CLMN: variants seen among roughly 807,000 people sequenced by gnomAD.
CLMN encodes the protein calmin (calponin-like, transmembrane).
In CLMN, 57 loss-of-function variants were observed where a neutral mutation model predicts 92.7. The observed-to-expected ratio is 0.61, with a 90% CI of 0.50 to 0.77. The LOEUF is 0.77. Ranked by LOEUF, CLMN falls within the 30% of genes least tolerant of loss-of-function variation. The pLI is 0.00. For synonymous variants in CLMN, 466 were observed against 470.6 expected (o/e 0.99, Z 0.13); for missense variants, 1,158 against 1,237.5 (o/e 0.94, Z 0.96).
At chr14:95,276,170 T>C (rs1486610309) in intron 1 of CLMN, among the ~76,000 whole-genome samples, 6 of 152,198 alleles carry the variant, frequency 3.9e-5, no homozygotes, top group Non-Finnish European at 7.3e-5. Context: ...TAGCCAACTT[T>C]GGGTAAGTGT....
rs769282471 is a variant in CLMN at position 95,213,363 on chromosome 14, C to T, written c.464G>A (p.Ser155Asn). 1.6e-5 allele frequency: 26 copies of T among 1,612,720 alleles called. No individual in the cohort carries two copies. The Admixed American group carries it at 4.4e-4, about 27-fold the overall frequency. ...TGTGCCCCCTGAGCCAGGGGACAAGCTGGAAGATGGAGAGTTTCTGCTGAG... is the reference window on the plus strand; with the variant it reads ...TGTGCCCCCTGAGCCAGGGGACAAGTTGGAAGATGGAGAGTTTCTGCTGAG... ...GNLSRNSPSSSLSPGSGGTDS... is the reference protein window; with the variant it reads ...GNLSRNSPSSNLSPGSGGTDS... Residue 155 changes from serine to asparagine, a missense_variant, in exon 6 of 13, where the codon AGC becomes AAC. Transcript: ENST00000298912.
At chr14:95,217,634 C>T (rs1253579189) in intron 4 of CLMN, among the ~76,000 whole-genome samples, 3 of 152,254 alleles carry the variant, frequency 2.0e-5, no homozygotes, top group Non-Finnish European at 4.4e-5. Flanking sequence ...TAAGCCTCTG[C>T]TCTGACAGCT....
At chr14:95,233,661 A>C (rs1566883594) in intron 1 of CLMN, among the ~76,000 whole-genome samples, 1 of 152,266 alleles carries the variant, frequency 6.6e-6, no homozygotes, top group African/African-American at 2.4e-5. Flanking sequence ...GAAATGGATT[A>C]GAATGCTGAA....
intron 1 of CLMN, among the ~76,000 whole-genome samples, chr14:95,285,705 A>C (rs1900315121): frequency 6.6e-6 from 1 of 152,216 alleles, no homozygotes; most frequent in South Asian, 2.1e-4. Context: ...TACAGGTGAG[A>C]TCACTGGGAT....
rs1478174082 is a variant in CLMN at position 95,189,686 on chromosome 14, T to C, written c.*1878A>G. The C allele has an allele frequency of 6.6e-6, 1 of 152,268 alleles. No homozygotes were observed. The highest frequency in any genetic ancestry group is 1.5e-5 in the Non-Finnish European group (1 of 68,056). 9.4% of individuals were successfully genotyped at this position (152,268 alleles called of 1,614,324 possible). A position where few individuals can be genotyped will look rare whatever the true frequency, so the allele number is the denominator to read the frequency against. The stretch of plus-strand genomic sequence containing the variant: ...TCTAATTTAGGCAAGGACTGCATGG[T>C]GCCCAGAGTTATAAACTATCACATA... On this transcript the variant is annotated 3_prime_UTR_variant, in exon 13 of 13. Transcript: ENST00000298912.
At chr14:95,254,119 A>G (rs1396317966) in intron 1 of CLMN, among the ~76,000 whole-genome samples, 1 of 152,082 alleles carries the variant, frequency 6.6e-6, no homozygotes, top group Non-Finnish European at 1.5e-5. Flanking sequence ...TCAGGTCTGG[A>G]CCTTTGTCCC....
At chr14:95,282,080 A>G (rs1473369837) in intron 1 of CLMN, among the ~76,000 whole-genome samples, 1 of 152,220 alleles carries the variant, frequency 6.6e-6, no homozygotes, top group Non-Finnish European at 1.5e-5. Flanking sequence ...AAGTGAGAAC[A>G]TGTCAATTGG....
intron 8 of CLMN, among the ~76,000 whole-genome samples, chr14:95,206,991 T>C (rs1159083920): frequency 2.6e-5 from 4 of 152,078 alleles, no homozygotes; most frequent in African/African-American, 9.7e-5. Context: ...AAATTTGTTA[T>C]GTTACACTTC....
rs1294497298 is a variant in CLMN at position 95,187,146 on chromosome 14, G to A, written c.*4418C>T. The A allele has an allele frequency of 1.3e-5, 2 of 152,334 alleles. No individual in the cohort carries two copies. The highest frequency in any genetic ancestry group is 2.9e-5 in the Non-Finnish European group (2 of 68,160). 9.4% of individuals were successfully genotyped at this position (152,334 alleles called of 1,614,324 possible). A position where few individuals can be genotyped will look rare whatever the true frequency, so the allele number is the denominator to read the frequency against. ...GTTGCTGCAGTCCCAGCTGGACTCA[G>A]GGCACGTTCACAAACCAGTCAGAGC... On this transcript the variant is annotated 3_prime_UTR_variant, in exon 13 of 13. Coordinates refer to ENST00000298912, the MANE Select transcript of CLMN (RefSeq NM_024734.4).
At chr14:95,195,292 C>T (rs961967719) in intron 10 of CLMN, among the ~76,000 whole-genome samples, 5 of 152,220 alleles carry the variant, frequency 3.3e-5, no homozygotes, top group Non-Finnish European at 7.3e-5. Flanking sequence ...ACAGCAGAGC[C>T]CAGCGACATG....
chr14:95,237,096 C>T (rs564761969), intron 1 of CLMN, among the ~76,000 whole-genome samples: 24 of 152,350 alleles, frequency 1.6e-4, no homozygotes, highest in Middle Eastern at 3.4e-3. Context: ...GGACAAGTTA[C>T]TGGACTACCC....
At chr14:95,199,824 C>A (rs1051330596) in intron 9 of CLMN, among the ~76,000 whole-genome samples, 4 of 151,978 alleles carry the variant, frequency 2.6e-5, no homozygotes, top group South Asian at 2.1e-4. Context: ...CCCAGTCACA[C>A]CTGGAGGCAG....
At chr14:95,200,677 A>G (rs1241160012) in intron 9 of CLMN, among the ~76,000 whole-genome samples, 1 of 152,202 alleles carries the variant, frequency 6.6e-6, no homozygotes, top group African/African-American at 2.4e-5. Context: ...TTTGTGAGCT[A>G]CTGGGCCAGA....
At chr14:95,278,566 A>G (rs1178648296) in intron 1 of CLMN, among the ~76,000 whole-genome samples, 1 of 152,182 alleles carries the variant, frequency 6.6e-6, no homozygotes, top group Non-Finnish European at 1.5e-5. Flanking sequence ...TTGAAAGTAG[A>G]TCAATCCCTC....
intron 1 of CLMN, among the ~76,000 whole-genome samples, chr14:95,238,543 C>T (rs568981160): frequency 1.1e-3 from 168 of 152,348 alleles, no homozygotes; most frequent in African/African-American, 4.0e-3. Context: ...ATGCAAAACC[C>T]TCTTTGGGAC....
chr14:95,271,636 G>A (rs1181092558), intron 1 of CLMN, among the ~76,000 whole-genome samples: 1 of 152,186 alleles, frequency 6.6e-6, no homozygotes, highest in Admixed American at 6.5e-5. Flanking sequence ...AGGGTATAAG[G>A]CCTGTCTTTT....
At chr14:95,298,892 C>T (rs1269213714) in intron 1 of CLMN, among the ~76,000 whole-genome samples, 1 of 152,142 alleles carries the variant, frequency 6.6e-6, no homozygotes, top group Non-Finnish European at 1.5e-5. Flanking sequence ...CAGGTTCTCC[C>T]GACTCTAAGG....
chr14:95,203,963 A>T lies in CLMN; in HGVS notation c.1386T>A (p.His462Gln), dbSNP rs371441623. The change falls in exon 9 of 13, where the codon CAT (histidine) becomes CAA (glutamine). Residue 462 changes from histidine to glutamine, a missense_variant. Coordinates refer to ENST00000298912, the MANE Select transcript of CLMN (RefSeq NM_024734.4). ...VAKESLRQDGHVLAVEVAEEK... is the reference protein window; with the variant it reads ...VAKESLRQDGQVLAVEVAEEK... The stretch of plus-strand genomic sequence containing the variant: ...CCTCAGCAACCTCAACTGCCAAGAC[A>T]TGTCCATCCTGCCTCAATGATTCCT... The T allele has an allele frequency of 8.1e-6, 13 of 1,614,046 alleles. No homozygotes were observed. Among genetic ancestry groups the T allele is most frequent in the Non-Finnish European group, 1.0e-5 (12 of 1,180,024 alleles).
intron 1 of CLMN, among the ~76,000 whole-genome samples, chr14:95,242,907 C>T (rs1040531595): frequency 1.3e-5 from 2 of 152,208 alleles, no homozygotes; most frequent in Admixed American, 6.5e-5. Context: ...GATTCTGACA[C>T]TGAGCCAGGG....
Sources: gnomAD v4.1 joint callset for allele counts (sites outside exome capture counted in the v4.1 genomes callset) on GRCh38, gnomAD v4.1.1 for gene constraint, MANE v1.5 for transcripts, NCBI Gene and HGNC (gene_info 2026-07-23, HGNC 2026-07-21) for gene names.